The following GLG1 variants were observed in gnomAD, a reference collection of about 807,000 sequenced individuals.
GLG1 encodes the protein Golgi apparatus protein 1.
GLG1 carries 38 observed loss-of-function variants against 160.5 expected under a neutral mutation model. The ratio of observed to expected loss-of-function variants is 0.24; its 90% CI spans 0.18 to 0.31. The LOEUF (loss-of-function observed/expected upper bound fraction) is 0.31, where lower values mean the gene tolerates loss of function less well. GLG1 is among the 10% of genes least tolerant of loss of function. The pLI, the probability that GLG1 is intolerant of heterozygous loss-of-function variation, is 1.00. For synonymous variants in GLG1, 644 were observed against 543.4 expected, an observed-to-expected ratio of 1.19 and a Z score of -2.57; for missense variants, 1,373 against 1,505.2, an observed-to-expected ratio of 0.91 and a Z score of 1.45.
intron 14 of GLG1, among the ~76,000 whole-genome samples, chr16:74,472,059 C>A (rs2015226704): frequency 6.6e-6 from 1 of 152,098 alleles, no homozygotes; most frequent in African/African-American, 2.4e-5. Flanking sequence ...TGTGTACCAC[C>A]ACGCCCAGCT....
chr16:74,461,606 GAT>G (rs1567456897), intron 22 of GLG1: 7 of 152,368 alleles, frequency 4.6e-5, no homozygotes, highest in African/African-American at 1.7e-4. Context: ...GAGTAGCTGA[GAT>G]TACTGGTGCA....
At position 74,452,376 on chromosome 16, in the gene GLG1, T is replaced by C. The variant is rs892113459; in HGVS notation, c.*791A>G. Reference sequence around the variant, plus strand: ...TCAGGATCCAGCCTCTCAGTGCAGATGGATGGACTGTTCAACTTCACAAAC... The same window carrying C: ...TCAGGATCCAGCCTCTCAGTGCAGACGGATGGACTGTTCAACTTCACAAAC... On this transcript the variant is annotated 3_prime_UTR_variant, in exon 26 of 26. Transcript: ENST00000422840. The C allele has an allele frequency of 1.2e-5, 15 of 1,300,628 alleles. No homozygotes were observed. In the South Asian group the frequency reaches 1.7e-4, roughly 15 times the overall value. 80.6% of individuals were successfully genotyped at this position (1,300,628 alleles called of 1,614,324 possible). A position where few individuals can be genotyped will look rare whatever the true frequency, so the allele number is the denominator to read the frequency against.
At chr16:74,467,253 G>A (rs530570271) in intron 18 of GLG1, among the ~76,000 whole-genome samples, 5 of 152,330 alleles carry the variant, frequency 3.3e-5, no homozygotes, top group East Asian at 1.9e-4. Flanking sequence ...AGAGGTAGCC[G>A]AGTAGTAACG....
In GLG1 at chr16:74,542,756, A is replaced by AGGAAGGAAG; in HGVS notation, c.439-10612_439-10604dup. On this transcript the variant is annotated intron_variant, in intron 1 of 25. Transcript: ENST00000422840. Reference sequence around the variant, plus strand: ...AAGGGAGGAAGGAAGGAAGGAAGGAAGGAAGGAAGGAAGGAAGGAAGGAAG... The same window carrying AGGAAGGAAG: ...AAGGGAGGAAGGAAGGAAGGAAGGAAGGAAGGAAGGGAAGGAAGGAAGGAAGGAAGGAAG... Among the ~76,000 whole-genome samples the AGGAAGGAAG allele has an allele frequency of 3.6e-4, 19 of 52,210 alleles. 2 individuals are homozygous for AGGAAGGAAG. Among genetic ancestry groups the AGGAAGGAAG allele is most frequent in the African/African-American group, 1.6e-3 (18 of 11,400 alleles). The allele number at this position is 52,210 out of a possible 152,430, so 34.3% of individuals were successfully genotyped here.
At chr16:74,583,816 G>A (rs559872734) in intron 1 of GLG1, among the ~76,000 whole-genome samples, 60 of 152,080 alleles carry the variant, frequency 3.9e-4, no homozygotes, top group Non-Finnish European at 7.8e-4. Context: ...CCATGGCTAC[G>A]TCCTCCACTC....
chr16:74,592,162 A>AGATG (rs1289515675), intron 1 of GLG1, among the ~76,000 whole-genome samples: 1 of 152,076 alleles, frequency 6.6e-6, no homozygotes, highest in Non-Finnish European at 1.5e-5. Flanking sequence ...TGATTGATTG[A>AGATG]GATGGAGTCT....
At chr16:74,592,440 T>C (rs62051921) in intron 1 of GLG1, among the ~76,000 whole-genome samples, 262 of 152,264 alleles carry the variant, frequency 1.7e-3, no homozygotes, top group Non-Finnish European at 3.0e-3. Context: ...ACTGTTTATA[T>C]AAATGTTCTT....
intron 1 of GLG1, among the ~76,000 whole-genome samples, chr16:74,556,273 G>A (rs754174217): frequency 1.1e-4 from 17 of 152,128 alleles, no homozygotes; most frequent in Admixed American, 3.3e-4. Context: ...ACAGTTAGGT[G>A]CTGGAAACAA....
intron 9 of GLG1, among the ~76,000 whole-genome samples, chr16:74,483,424 C>A (rs1247072958): frequency 1.3e-5 from 2 of 152,180 alleles, no homozygotes; most frequent in African/African-American, 4.8e-5. Flanking sequence ...GTAACAGCCA[C>A]CTTCCCTCCC....
intron 2 of GLG1, among the ~76,000 whole-genome samples, chr16:74,523,107 T>C: frequency 6.6e-6 from 1 of 152,224 alleles, no homozygotes; most frequent in Non-Finnish European, 1.5e-5. Flanking sequence ...ACATAGTAGG[T>C]GTATATATTT....
chr16:74,467,107 T>G (rs1013380963), intron 18 of GLG1, among the ~76,000 whole-genome samples: 1 of 152,140 alleles, frequency 6.6e-6, no homozygotes, highest in Non-Finnish European at 1.5e-5. Context: ...CTCTAAAACC[T>G]ATCAGAAACA....
chr16:74,530,745 T>C (rs1344336960), intron 2 of GLG1, among the ~76,000 whole-genome samples: 1 of 152,038 alleles, frequency 6.6e-6, no homozygotes, highest in Non-Finnish European at 1.5e-5. Flanking sequence ...CAAGGGGTCC[T>C]CCAGCCTCAG....
At chr16:74,555,017 AAAAT>A (rs2018314987) in intron 1 of GLG1, among the ~76,000 whole-genome samples, 1 of 152,224 alleles carries the variant, frequency 6.6e-6, no homozygotes, top group South Asian at 2.1e-4. Flanking sequence ...CCCTGTGTCT[AAAAT>A]AAATAAATAA....
At chr16:74,473,378 T>C (rs893944171) in intron 13 of GLG1, among the ~76,000 whole-genome samples, 1 of 150,928 alleles carries the variant, frequency 6.6e-6, no homozygotes, top group African/African-American at 2.4e-5. Flanking sequence ...CACGCCCAGC[T>C]AATTTTTGTA....
At chr16:74,489,506 G>A (rs146565289) in intron 8 of GLG1, among the ~76,000 whole-genome samples, 2 of 150,916 alleles carry the variant, frequency 1.3e-5, no homozygotes, top group Non-Finnish European at 2.9e-5. Context: ...CCTAACCCCC[G>A]CCACAACAAC....
chr16:74,473,452 T>TG (rs2015282043), intron 13 of GLG1, among the ~76,000 whole-genome samples: 1 of 148,962 alleles, frequency 6.7e-6, no homozygotes, highest in Admixed American at 6.7e-5. Context: ...TTTTTTTTTT[T>TG]TTTGAGACAT....
At chr16:74,559,047 A>G (rs8050668) in intron 1 of GLG1, among the ~76,000 whole-genome samples, 110,834 of 151,908 alleles carry the variant, frequency 0.73, 40,920 homozygotes, top group African/African-American at 0.84. Context: ...ACTATGTGTG[A>G]CTCATTTTTT....
rs778904392 is a variant in GLG1, at chr16:74,474,512, C to G, written c.2052+34G>C. 5.0e-6 allele frequency: 5 copies of G among 994,772 alleles called. No individual in the cohort carries two copies. The East Asian group carries it at 1.2e-4, about 24-fold the overall frequency. 61.6% of individuals were successfully genotyped at this position (994,772 alleles called of 1,614,324 possible). A position where few individuals can be genotyped will look rare whatever the true frequency, so the allele number is the denominator to read the frequency against. ...CAAAAGGCCAGGATGCTGGCAGCCA[C>G]TCTCCTCCAATGAGTAAGCTGCATA... is the stretch of plus-strand genomic sequence containing the variant. On this transcript the variant is annotated intron_variant, in intron 13 of 25. Transcript: ENST00000422840.
At position 74,491,133 on chromosome 16, in the gene GLG1, C is replaced by A; in HGVS notation, c.1317G>T (p.Glu439Asp). Residue 439 changes from glutamate (E) to aspartate (D), a missense_variant, in exon 8 of 26, where the codon GAG (glutamate) becomes GAT (aspartate). Around this residue, in one of 4 missense-constraint regions of GLG1, gnomAD observed 386 missense variants for 388.5 expected, o/e 0.99. Transcript: ENST00000422840. The stretch of plus-strand genomic sequence containing the variant: ...TCTCCCCCCGACAGCTTAGGATGAT[C>A]TCAGGGCTCAGAGAAAAGTCTTCCA... The part of the protein sequence containing the change: ...MLMEDFSLSP[E>D]IILSCRGEIE... 6.2e-7 allele frequency: 1 copy of A among 1,614,116 alleles called. No individual in the cohort carries two copies. The highest frequency in any genetic ancestry group is 8.5e-7 in the Non-Finnish European group (1 of 1,179,946).
Sources: allele counts gnomAD v4.1 joint callset (sites outside exome capture counted in the v4.1 genomes callset), GRCh38; gene constraint gnomAD v4.1.1; regional missense constraint gnomAD v4.1.1; transcripts MANE v1.5; gene names NCBI Gene and HGNC (gene_info 2026-07-23, HGNC 2026-07-21).